Variants in MAF observed in about 807,000 individuals in gnomAD.
MAF encodes the protein transcription factor Maf.
Under a neutral mutation model 22.0 loss-of-function variants are expected in MAF, and 10 were observed. The observed-to-expected ratio is 0.45, with a 90% confidence interval of 0.28 to 0.77. The LOEUF (loss-of-function observed/expected upper bound fraction) is 0.77, where lower values mean the gene tolerates loss of function less well. MAF is among the 30% of genes least tolerant of loss of function. The pLI is 0.12. For missense variants in MAF, 544 were observed against 548.4 expected (o/e 0.99, Z 0.08); for synonymous variants, 337 against 255.8 (o/e 1.32, Z -3.03).
the MAF span, among the ~76,000 whole-genome samples, chr16:79,214,409 C>A: frequency 2.0e-5 from 3 of 152,224 alleles, no homozygotes; most frequent in East Asian, 5.8e-4. Context: ...GATCCCGAGC[C>A]ACACACTGTG....
At chr16:79,495,069 C>T in the MAF span, among the ~76,000 whole-genome samples, 1 of 152,132 alleles carries the variant, frequency 6.6e-6, no homozygotes, top group East Asian at 1.9e-4. Flanking sequence ...GGTGTGTTCA[C>T]CAACCTAGAA....
chr16:79,512,262 T>C, the MAF span, among the ~76,000 whole-genome samples: 1 of 152,194 alleles, frequency 6.6e-6, no homozygotes, highest in Non-Finnish European at 1.5e-5. Context: ...CTCTTTATTT[T>C]AAGGCAGAGC....
chr16:79,511,578 G>A, the MAF span, among the ~76,000 whole-genome samples: 1 of 152,208 alleles, frequency 6.6e-6, no homozygotes, highest in Non-Finnish European at 1.5e-5. Context: ...TGTGTGCGGT[G>A]TTACATGCAC....
chr16:79,211,927 C>CAACAGAGTGAAAAATCTT, the MAF span: 1 of 1,539,394 alleles, frequency 6.5e-7, no homozygotes, highest in Admixed American at 2.0e-5. Flanking sequence ...AGAGCAGTCA[C>CAACAGAGTGAAAAATCTT]AACAGAGTGA....
the MAF span, among the ~76,000 whole-genome samples, chr16:79,348,792 G>T: frequency 6.6e-6 from 1 of 152,194 alleles, no homozygotes; most frequent in Non-Finnish European, 1.5e-5. Flanking sequence ...TCATATTCTG[G>T]TGATTCTGAA....
the MAF span, among the ~76,000 whole-genome samples, chr16:79,424,592 G>A: frequency 1.3e-5 from 2 of 152,144 alleles, no homozygotes; most frequent in African/African-American, 4.8e-5. Context: ...ATGTTTCCAT[G>A]TTTCTGTGAG....
chr16:79,595,516 G>C lies in MAF; in HGVS notation c.1119-963C>G, dbSNP rs1400198886. On this transcript the variant is annotated intron_variant, in intron 1 of 1. Coordinates refer to ENST00000326043, the MANE Select transcript of MAF (RefSeq NM_005360.5). Reference sequence around the variant, plus strand: ...TGTCTAACATTCTATTGGTGTGCTAGGGGAAGATGACTAAGAGTGCAAACT... The same window carrying C: ...TGTCTAACATTCTATTGGTGTGCTACGGGAAGATGACTAAGAGTGCAAACT... 5 of 1,059,826 alleles carry C rather than the reference G, an allele frequency of 4.7e-6. No homozygotes were observed. In the East Asian group the frequency reaches 1.5e-4, roughly 33 times the overall value. 65.7% of individuals were successfully genotyped at this position (1,059,826 alleles called of 1,614,324 possible).
At chr16:79,408,507 G>C in the MAF span, among the ~76,000 whole-genome samples, 7 of 152,090 alleles carry the variant, frequency 4.6e-5, no homozygotes, top group East Asian at 1.3e-3. Flanking sequence ...TTATCTCATT[G>C]ACTTTTAATA....
the MAF span, among the ~76,000 whole-genome samples, chr16:79,513,378 T>A: frequency 2.6e-5 from 4 of 152,192 alleles, no homozygotes; most frequent in Non-Finnish European, 5.9e-5. Context: ...AACTGGAGCA[T>A]GAGAACAATG....
chr16:79,553,138 G>A, the MAF span, among the ~76,000 whole-genome samples: 3 of 152,216 alleles, frequency 2.0e-5, no homozygotes, highest in Non-Finnish European at 2.9e-5. Flanking sequence ...GAATGTGCCC[G>A]GCACACAGCA....
chr16:79,537,574 T>C, the MAF span, among the ~76,000 whole-genome samples: 1 of 152,206 alleles, frequency 6.6e-6, no homozygotes, highest in African/African-American at 2.4e-5. Flanking sequence ...GATGTTACTT[T>C]GCCTAGAATT....
At chr16:79,333,179 C>T in the MAF span, among the ~76,000 whole-genome samples, 11 of 152,252 alleles carry the variant, frequency 7.2e-5, no homozygotes, top group African/African-American at 1.7e-4. Flanking sequence ...CTCTGGACTG[C>T]GTTGTCTCTT....
At chr16:79,569,246 C>G in the MAF span, among the ~76,000 whole-genome samples, 1 of 152,204 alleles carries the variant, frequency 6.6e-6, no homozygotes, top group Non-Finnish European at 1.5e-5. Flanking sequence ...AGCATTATCC[C>G]TCGTCTCAAC....
the MAF span, among the ~76,000 whole-genome samples, chr16:79,497,209 T>A: frequency 6.6e-6 from 1 of 152,168 alleles, no homozygotes; most frequent in Admixed American, 6.5e-5. Flanking sequence ...GACCTCTCCT[T>A]GCCTCCGAAT....
At chr16:79,481,404 C>T in the MAF span, among the ~76,000 whole-genome samples, 226 of 152,166 alleles carry the variant, frequency 1.5e-3, 1 homozygote, top group East Asian at 0.019. Flanking sequence ...ACCACATACC[C>T]CATGAATAGT....
chr16:79,387,882 C>T, the MAF span, among the ~76,000 whole-genome samples: 3 of 152,138 alleles, frequency 2.0e-5, no homozygotes, highest in Non-Finnish European at 2.9e-5. Flanking sequence ...ATTAATTAAA[C>T]TCATTGAGGG....
the MAF span, among the ~76,000 whole-genome samples, chr16:79,223,157 A>G: frequency 6.6e-6 from 1 of 151,866 alleles, no homozygotes; most frequent in East Asian, 1.9e-4. Context: ...AACGGACAAC[A>G]TAACAGTCTC....
the MAF span, among the ~76,000 whole-genome samples, chr16:79,394,238 G>C: frequency 6.6e-6 from 1 of 152,140 alleles, no homozygotes; most frequent in Admixed American, 6.5e-5. Context: ...ATTCAGTCTG[G>C]GGCAGAAAAC....
At chr16:79,322,453 T>A in the MAF span, among the ~76,000 whole-genome samples, 27 of 152,184 alleles carry the variant, frequency 1.8e-4, no homozygotes, top group East Asian at 3.7e-3. Context: ...GTAAGTTTGC[T>A]GCGTAAAAAG....
Sources: gnomAD v4.1 joint callset for allele counts (sites outside exome capture counted in the v4.1 genomes callset) on GRCh38, gnomAD v4.1.1 for gene constraint, MANE v1.5 for transcripts, NCBI Gene and HGNC (gene_info 2026-07-23, HGNC 2026-07-21) for gene names.